Variants in GPD2 observed in about 807,000 individuals in gnomAD.
GPD2 encodes glycerol-3-phosphate dehydrogenase 2.
In GPD2, 54 loss-of-function variants were observed where a neutral mutation model predicts 82.4. That is an observed-to-expected ratio of 0.66 (90% CI 0.53 to 0.82). The LOEUF (loss-of-function observed/expected upper bound fraction) is 0.82, where lower values mean the gene tolerates loss of function less well. GPD2 is among the 40% of genes least tolerant of loss of function. GPD2 has a pLI of 0.00. For synonymous variants in GPD2, 288 were observed against 306.1 expected (o/e 0.94, Z 0.62); for missense variants, 748 against 896.2 (o/e 0.83, Z 2.11).
intron 1 of GPD2, among the ~76,000 whole-genome samples, chr2:156,458,485 T>C (rs1682863048): frequency 6.6e-6 from 1 of 152,234 alleles, no homozygotes; most frequent in Admixed American, 6.5e-5. Flanking sequence ...GCTTAAATGG[T>C]TATTGTGTCC....
chr2:156,549,528 C>T, intron 6 of GPD2, 80 bp from the exon 7 acceptor site: 1 of 1,209,386 alleles, frequency 8.3e-7, no homozygotes, highest in Non-Finnish European at 1.2e-6. Context: ...TGTGACATAT[C>T]TGTTGTGACA....
chr2:156,555,186 C>A (rs979193403), intron 8 of GPD2, among the ~76,000 whole-genome samples: 1 of 152,172 alleles, frequency 6.6e-6, no homozygotes, highest in Non-Finnish European at 1.5e-5. Context: ...TTATACCATT[C>A]GTTAATAGCT....
At chr2:156,421,096 T>G in the GPD2 span, among the ~76,000 whole-genome samples, 34 of 152,322 alleles carry the variant, frequency 2.2e-4, 1 homozygote, top group East Asian at 4.0e-3. Flanking sequence ...AGGTCTGAGA[T>G]TCTACATTTC....
chr2:156,409,483 G>A, the GPD2 span, among the ~76,000 whole-genome samples: 1 of 151,640 alleles, frequency 6.6e-6, no homozygotes, highest in Non-Finnish European at 1.5e-5. Context: ...ATCTTTCAGG[G>A]CCAGGTGTTC....
At chr2:156,561,915 A>G (rs1045889464) in intron 9 of GPD2, among the ~76,000 whole-genome samples, 1 of 152,200 alleles carries the variant, frequency 6.6e-6, no homozygotes, top group Non-Finnish European at 1.5e-5. Flanking sequence ...GAATAAGACC[A>G]TGTCTTCTTT....
the GPD2 span, among the ~76,000 whole-genome samples, chr2:156,401,985 T>C: frequency 6.6e-6 from 1 of 152,148 alleles, no homozygotes. Context: ...ATTTCCAGAT[T>C]CTTTGGTCAA....
chr2:156,566,589 G>A (rs1277100168), intron 9 of GPD2, among the ~76,000 whole-genome samples: 1 of 152,050 alleles, frequency 6.6e-6, no homozygotes, highest in Admixed American at 6.6e-5. Flanking sequence ...CGTTGTAAGT[G>A]TATGTTACAT....
intron 2 of GPD2, among the ~76,000 whole-genome samples, chr2:156,485,505 C>T: frequency 6.6e-6 from 1 of 152,158 alleles, no homozygotes; most frequent in African/African-American, 2.4e-5. Context: ...TGTGTATGGA[C>T]TGTATGCAAT....
At chr2:156,528,832 C>G (rs1360263719) in intron 6 of GPD2, among the ~76,000 whole-genome samples, 5 of 152,274 alleles carry the variant, frequency 3.3e-5, no homozygotes, top group African/African-American at 4.8e-5. Flanking sequence ...TTAATCCAGT[C>G]TATCATTGTT....
chr2:156,526,185 C>T (rs990468546), intron 6 of GPD2, among the ~76,000 whole-genome samples: 2 of 152,120 alleles, frequency 1.3e-5, no homozygotes, highest in African/African-American at 4.8e-5. Context: ...TCAAAATATA[C>T]CTGCTCATAC....
intron 1 of GPD2, among the ~76,000 whole-genome samples, chr2:156,451,915 G>C (rs1218684983): frequency 1.3e-5 from 2 of 148,564 alleles, no homozygotes; most frequent in African/African-American, 5.0e-5. Flanking sequence ...CCTCCCAGAC[G>C]GGGTCGCGGC....
At chr2:156,466,815 T>G (rs1164626903) in intron 1 of GPD2, among the ~76,000 whole-genome samples, 2 of 152,234 alleles carry the variant, frequency 1.3e-5, no homozygotes, top group African/African-American at 2.4e-5. Context: ...TGACCTTATT[T>G]TCTCCTTCTT....
chr2:156,480,154 C>T (rs912274136), intron 2 of GPD2, among the ~76,000 whole-genome samples: 4 of 152,138 alleles, frequency 2.6e-5, no homozygotes, highest in African/African-American at 9.7e-5. Flanking sequence ...TCTCCTTTTT[C>T]TAATTCCAGG....
chr2:156,467,892 A>T (rs531307048), intron 1 of GPD2, among the ~76,000 whole-genome samples: 1 of 152,246 alleles, frequency 6.6e-6, no homozygotes, highest in East Asian at 1.9e-4. Flanking sequence ...TGTAGGAATC[A>T]CATGTGTAAG....
chr2:156,478,882 A>G, intron 2 of GPD2, among the ~76,000 whole-genome samples: 1 of 152,204 alleles, frequency 6.6e-6, no homozygotes, highest in East Asian at 1.9e-4. Context: ...TTTATTAAGA[A>G]TAAGTTAGTT....
At chr2:156,413,942 G>A in the GPD2 span, among the ~76,000 whole-genome samples, 2 of 152,174 alleles carry the variant, frequency 1.3e-5, no homozygotes, top group Admixed American at 1.3e-4. Context: ...CTTTTTCCAT[G>A]GGAGTGTGGA....
At chr2:156,432,445 A>T (rs1688328642), upstream of GPD2, among the ~76,000 whole-genome samples, 1 of 152,012 alleles carries the variant, frequency 6.6e-6, no homozygotes, top group African/African-American at 2.4e-5. Flanking sequence ...GCCTATTCCC[A>T]TCTTTATGTC....
chr2:156,420,007 C>G, the GPD2 span, among the ~76,000 whole-genome samples: 1 of 152,122 alleles, frequency 6.6e-6, no homozygotes, highest in Non-Finnish European at 1.5e-5. Context: ...GTATTTTTCC[C>G]TTTGGGTTTA....
chr2:156,460,490 G>T (rs1033965610), intron 1 of GPD2, among the ~76,000 whole-genome samples: 1 of 152,168 alleles, frequency 6.6e-6, no homozygotes, highest in African/African-American at 2.4e-5. Context: ...CTTGCCTGTT[G>T]GAAATTTATA....
Sources: allele counts gnomAD v4.1 joint callset (sites outside exome capture counted in the v4.1 genomes callset), GRCh38; gene constraint gnomAD v4.1.1; transcripts MANE v1.5; gene names NCBI Gene and HGNC (gene_info 2026-07-23, HGNC 2026-07-21).